The following SCFD2 variants were observed in gnomAD, a reference collection of about 807,000 sequenced individuals.
SCFD2 encodes sec1 family domain-containing protein 2.
SCFD2 carries 54 observed loss-of-function variants against 58.9 expected under a neutral mutation model. The observed-to-expected ratio is 0.92, with a 90% CI of 0.74 to 1.15. SCFD2 has a LOEUF of 1.15. Ranked by LOEUF, SCFD2 falls within the 50% of genes most tolerant of loss-of-function variation. SCFD2 has a pLI of 0.00. For missense variants in SCFD2, 805 were observed against 836.6 expected (o/e 0.96, Z 0.47); for synonymous variants, 321 against 335.9 (o/e 0.96, Z 0.49).
intron 6 of SCFD2, among the ~76,000 whole-genome samples, chr4:52,917,481 G>A (rs936500701): frequency 6.6e-6 from 1 of 152,092 alleles, no homozygotes; most frequent in Non-Finnish European, 1.5e-5. Context: ...CACAGTCTAG[G>A]ATCCATCTAG....
rs145085814 is a variant in SCFD2, at chr4:53,111,548, A to G, written c.1561+33785T>C. ...ACCATAGCCTAAATATTACTTGATT[A>G]GGAAAGCTATTCTGGATCACACATT... On this transcript the variant is annotated intron_variant, in intron 5 of 8. Transcript: ENST00000401642. 5.3e-5 allele frequency among the ~76,000 whole-genome samples: 8 copies of G among 152,274 alleles called. No individual in the cohort carries two copies. The East Asian group carries it at 1.5e-3, about 29-fold the overall frequency.
At chr4:53,328,504 T>C (rs1194422280) in intron 2 of SCFD2, among the ~76,000 whole-genome samples, 1 of 152,046 alleles carries the variant, frequency 6.6e-6, no homozygotes, top group East Asian at 1.9e-4. Flanking sequence ...AATATTAACA[T>C]CAAAGCAAAT....
At chr4:53,180,058 T>C (rs1454908933) in intron 4 of SCFD2, among the ~76,000 whole-genome samples, 1 of 152,142 alleles carries the variant, frequency 6.6e-6, no homozygotes, top group Non-Finnish European at 1.5e-5. Context: ...AGTAGGAGAC[T>C]TTAACACCCC....
intron 5 of SCFD2, among the ~76,000 whole-genome samples, chr4:52,995,129 C>T (rs1721713133): frequency 6.6e-6 from 1 of 152,104 alleles, no homozygotes; most frequent in African/African-American, 2.4e-5. Context: ...AAGGAAATAA[C>T]TATATAACTT....
At chr4:53,215,298 T>C (rs1279892725) in intron 4 of SCFD2, among the ~76,000 whole-genome samples, 1 of 152,166 alleles carries the variant, frequency 6.6e-6, no homozygotes, top group Non-Finnish European at 1.5e-5. Context: ...TGGGATGTTC[T>C]TCCATTTGTT....
intron 5 of SCFD2, among the ~76,000 whole-genome samples, chr4:53,089,616 G>T (rs1724414736): frequency 6.6e-6 from 1 of 152,054 alleles, no homozygotes; most frequent in Non-Finnish European, 1.5e-5. Context: ...ATATTTAATA[G>T]TCAAAAGATA....
intron 2 of SCFD2, among the ~76,000 whole-genome samples, chr4:53,351,309 CTCT>C (rs1285452279): frequency 6.6e-6 from 1 of 152,182 alleles, no homozygotes; most frequent in Non-Finnish European, 1.5e-5. Flanking sequence ...CAACCCCCTC[CTCT>C]TTTCTAAGTC....
intron 5 of SCFD2, among the ~76,000 whole-genome samples, chr4:53,112,901 A>C (rs768897461): frequency 1.3e-5 from 2 of 151,956 alleles, no homozygotes; most frequent in Non-Finnish European, 2.9e-5. Flanking sequence ...CCCTACCCCT[A>C]TTCCCACCAT....
intron 7 of SCFD2, among the ~76,000 whole-genome samples, chr4:52,887,668 A>C (rs1332090886): frequency 1.3e-5 from 2 of 152,206 alleles, no homozygotes; most frequent in Non-Finnish European, 2.9e-5. Flanking sequence ...TGGCCACCAA[A>C]GCCAGAAGGT....
intron 4 of SCFD2, among the ~76,000 whole-genome samples, chr4:53,148,822 C>A (rs961643918): frequency 6.6e-6 from 1 of 152,226 alleles, no homozygotes; most frequent in African/African-American, 2.4e-5. Context: ...AGAGCCTGGG[C>A]AACATAGCGA....
chr4:53,326,378 A>G (rs1246165076), intron 2 of SCFD2, among the ~76,000 whole-genome samples: 3 of 152,176 alleles, frequency 2.0e-5, no homozygotes, highest in Admixed American at 6.5e-5. Context: ...CCTGGGCTCA[A>G]GTGATCCACC....
intron 4 of SCFD2, among the ~76,000 whole-genome samples, chr4:53,186,563 A>C (rs1727742090): frequency 6.6e-6 from 1 of 152,174 alleles, no homozygotes; most frequent in Admixed American, 6.6e-5. Context: ...CATGAATAAA[A>C]AGCAACAAGC....
At chr4:53,213,209 T>C (rs1728680337) in intron 4 of SCFD2, among the ~76,000 whole-genome samples, 1 of 152,184 alleles carries the variant, frequency 6.6e-6, no homozygotes. Flanking sequence ...TTAAATACAA[T>C]TGTCTCCAGT....
chr4:53,076,514 C>T (rs1292269541), intron 5 of SCFD2, among the ~76,000 whole-genome samples: 5 of 152,044 alleles, frequency 3.3e-5, no homozygotes, highest in East Asian at 3.9e-4. Context: ...CAAGCCACTC[C>T]GGGGCTAAGC....
intron 4 of SCFD2, among the ~76,000 whole-genome samples, chr4:53,227,178 C>A (rs1729244841): frequency 1.3e-5 from 2 of 152,294 alleles, no homozygotes; most frequent in South Asian, 2.1e-4. Context: ...TCCTTCCTAT[C>A]ACCACTCTAC....
intron 2 of SCFD2, among the ~76,000 whole-genome samples, chr4:53,340,169 T>C (rs1231253505): frequency 6.6e-6 from 1 of 151,874 alleles, no homozygotes; most frequent in Non-Finnish European, 1.5e-5. Flanking sequence ...GGGTGAGGCA[T>C]CACCTTACCT....
intron 5 of SCFD2, among the ~76,000 whole-genome samples, chr4:53,037,261 G>A (rs1386736100): frequency 6.6e-6 from 1 of 152,130 alleles, no homozygotes; most frequent in Middle Eastern, 3.4e-3. Context: ...TAGAAGTTTA[G>A]GCATATGGTG....
intron 3 of SCFD2, among the ~76,000 whole-genome samples, chr4:53,279,288 T>G (rs1731435202): frequency 6.6e-6 from 1 of 152,208 alleles, no homozygotes; most frequent in African/African-American, 2.4e-5. Context: ...TTTTTCTTTC[T>G]TCTTATTTTT....
chr4:53,049,052 A>C (rs1166395167), intron 5 of SCFD2, among the ~76,000 whole-genome samples: 2 of 152,216 alleles, frequency 1.3e-5, no homozygotes, highest in Non-Finnish European at 2.9e-5. Context: ...TGAGAATTGG[A>C]AAACGTGTCC....
Sources: allele counts gnomAD v4.1 joint callset (sites outside exome capture counted in the v4.1 genomes callset), GRCh38; gene constraint gnomAD v4.1.1; transcripts MANE v1.5; gene names NCBI Gene and HGNC (gene_info 2026-07-23, HGNC 2026-07-21).